The following AGBL1 variants were observed in gnomAD, a reference collection of about 807,000 sequenced individuals.
AGBL1 encodes cytosolic carboxypeptidase 4.
A neutral mutation model predicts 118.9 loss-of-function variants in AGBL1; 130 were observed. The ratio of observed to expected loss-of-function variants is 1.09; its 90% confidence interval spans 0.95 to 1.26. The LOEUF (loss-of-function observed/expected upper bound fraction) is 1.26. AGBL1 is among the 50% of genes most tolerant of loss of function. The pLI, the probability that AGBL1 is intolerant of heterozygous loss-of-function variation, is 0.00. For synonymous variants in AGBL1, 555 were observed against 478.9 expected (o/e 1.16, Z -2.08); for missense variants, 1,584 against 1,298.1 (o/e 1.22, Z -3.38).
At chr15:86,333,265 T>TAA (rs2080304785) in intron 17 of AGBL1, among the ~76,000 whole-genome samples, 2 of 152,120 alleles carry the variant, frequency 1.3e-5, no homozygotes, top group South Asian at 4.1e-4. Context: ...TTTGAAAGCA[T>TAA]AAGCAAGATT....
intron 21 of AGBL1, among the ~76,000 whole-genome samples, chr15:86,574,487 A>C (rs1277429244): frequency 1.3e-5 from 2 of 152,174 alleles, no homozygotes; most frequent in Non-Finnish European, 2.9e-5. Flanking sequence ...CAAAGTTCAC[A>C]ACTGGGGATC....
intron 23 of AGBL1, among the ~76,000 whole-genome samples, chr15:86,943,109 A>T (rs1268197017): frequency 6.6e-6 from 1 of 152,226 alleles, no homozygotes; most frequent in African/African-American, 2.4e-5. Context: ...ATTTGGTTAC[A>T]GTGTAAAAGC....
At chr15:86,183,108 T>G (rs1567110251) in intron 5 of AGBL1, among the ~76,000 whole-genome samples, 1 of 152,202 alleles carries the variant, frequency 6.6e-6, no homozygotes, top group Non-Finnish European at 1.5e-5. Flanking sequence ...AGTTCTTGTT[T>G]CTCTGGGATA....
rs1361690706 is a variant in AGBL1, at chr15:86,907,773, G to T, written c.*479G>T. On this transcript the variant is annotated 3_prime_UTR_variant, in exon 23 of 23. Transcript: ENST00000614907. The stretch of plus-strand genomic sequence containing the variant: ...TTTGAGCACCCCAGAACAAACCACT[G>T]AGACTCTGGGGATCCTGGCAGGGTC... The T allele has an allele frequency of 2.0e-5, 3 of 152,164 alleles. No homozygotes were observed. 9.4% of individuals were successfully genotyped at this position (152,164 alleles called of 1,614,324 possible).
chr15:86,401,712 T>C (rs1458208542), intron 18 of AGBL1, among the ~76,000 whole-genome samples: 2 of 152,184 alleles, frequency 1.3e-5, no homozygotes, highest in Non-Finnish European at 2.9e-5. Context: ...AGCATGTCCT[T>C]TTCCCACTTT....
chr15:86,797,402 AG>A (rs1191412475), intron 22 of AGBL1, among the ~76,000 whole-genome samples: 1 of 152,242 alleles, frequency 6.6e-6, no homozygotes, highest in Non-Finnish European at 1.5e-5. Flanking sequence ...ATTTCAAAAA[AG>A]GAGCAGAACC....
rs1388934471 is a variant in AGBL1, at chr15:87,007,091, T to C, written c.3323+19003T>C. ...ATTGGGTAAAAATCAAGTGAAGTTA[T>C]AGAAAGGGTTCAAAAAAGAATCACA... On this transcript the variant is annotated intron_variant, in intron 24 of 24. Transcript: ENST00000441037. Among the ~76,000 whole-genome samples, 5 of 152,286 alleles carry C rather than the reference T, an allele frequency of 3.3e-5. 1 individual carries two copies. The highest frequency in any genetic ancestry group is 3.4e-3 in the Middle Eastern group (1 of 294).
chr15:86,640,231 A>T (rs554763701), intron 21 of AGBL1, among the ~76,000 whole-genome samples: 9 of 152,264 alleles, frequency 5.9e-5, no homozygotes, highest in South Asian at 4.2e-4. Flanking sequence ...CCTTCCAAAG[A>T]TATATTTATG....
intron 22 of AGBL1, among the ~76,000 whole-genome samples, chr15:86,694,429 T>G (rs1018501243): frequency 6.6e-6 from 1 of 152,146 alleles, no homozygotes; most frequent in African/African-American, 2.4e-5. Context: ...AGCTACTGAT[T>G]TGTGTACATT....
chr15:86,500,005 C>T (rs1388401215), intron 18 of AGBL1, among the ~76,000 whole-genome samples: 2 of 151,856 alleles, frequency 1.3e-5, no homozygotes, highest in East Asian at 1.9e-4. Context: ...ACTGAAAGAG[C>T]TTGTCAGTTG....
intron 24 of AGBL1, among the ~76,000 whole-genome samples, chr15:86,997,673 A>T (rs952572626): frequency 6.6e-6 from 1 of 152,000 alleles, no homozygotes; most frequent in African/African-American, 2.4e-5. Context: ...TTTTTTCCTC[A>T]TGGGTTCCCA....
intron 23 of AGBL1, among the ~76,000 whole-genome samples, chr15:86,937,066 T>A (rs1291406946): frequency 6.6e-6 from 1 of 152,188 alleles, no homozygotes. Flanking sequence ...TCAATATCAC[T>A]GATCATTAGA....
intron 2 of AGBL1, among the ~76,000 whole-genome samples, chr15:86,143,048 C>T (rs1407413169): frequency 6.6e-6 from 1 of 152,148 alleles, no homozygotes; most frequent in East Asian, 1.9e-4. Context: ...GAAATCGTTG[C>T]TTTTGAGTTT....
chr15:86,735,763 G>A (rs2077586664), intron 22 of AGBL1, among the ~76,000 whole-genome samples: 1 of 151,766 alleles, frequency 6.6e-6, no homozygotes, highest in Non-Finnish European at 1.5e-5. Context: ...AAATTGCTTG[G>A]CACAAGTGTG....
chr15:87,004,262 G>A (rs1038611471), intron 24 of AGBL1, among the ~76,000 whole-genome samples: 1 of 151,840 alleles, frequency 6.6e-6, no homozygotes, highest in African/African-American at 2.4e-5. Context: ...CAGTTTCCAT[G>A]TAGCTGAGTG....
Position 86,992,172 on chromosome 15 carries a change from C to T in AGBL1, c.3323+4084C>T, listed in dbSNP as rs142363988. ...CAAGAGTGAACAAGGGGATGTAGCA[C>T]GTGCCACACTCTTTTAAACAACCAG... On this transcript the variant is annotated intron_variant, in intron 24 of 24. Coordinates refer to the AGBL1 transcript ENST00000441037. Among the ~76,000 whole-genome samples, 743 of 152,014 alleles carry T rather than the reference C, an allele frequency of 4.9e-3. 5 individuals carry two copies. Among genetic ancestry groups the T allele is most frequent in the Non-Finnish European group, 8.4e-3 (571 of 67,984 alleles).
chr15:86,138,669 C>A (rs768575762), intron 1 of AGBL1, among the ~76,000 whole-genome samples: 1 of 152,138 alleles, frequency 6.6e-6, no homozygotes, highest in African/African-American at 2.4e-5. Flanking sequence ...TAGTTTTCTT[C>A]TTTCCCTTTT....
intron 22 of AGBL1, among the ~76,000 whole-genome samples, chr15:86,844,427 C>T (rs2079289874): frequency 6.6e-6 from 1 of 152,078 alleles, no homozygotes; most frequent in African/African-American, 2.4e-5. Flanking sequence ...AGTGGTATCA[C>T]CTTGTGGTTT....
chr15:86,464,559 T>C (rs1376025088), intron 18 of AGBL1, among the ~76,000 whole-genome samples: 1 of 152,208 alleles, frequency 6.6e-6, no homozygotes, highest in Non-Finnish European at 1.5e-5. Flanking sequence ...CCATTCAGTA[T>C]GATATTGGCT....
Sources: allele counts gnomAD v4.1 joint callset (sites outside exome capture counted in the v4.1 genomes callset), GRCh38; gene constraint gnomAD v4.1.1; transcripts MANE v1.5; gene names NCBI Gene and HGNC (gene_info 2026-07-23, HGNC 2026-07-21).